The following SMIM20 variants were observed in gnomAD, a reference collection of about 807,000 sequenced individuals.
SMIM20 encodes the protein mitochondrial translation regulation assembly intermediate of cytochrome c oxidase protein of 7 kDa.
In SMIM20, 3 loss-of-function variants were observed where a neutral mutation model predicts 8.7. That is an observed-to-expected ratio of 0.34 (90% CI 0.16 to 0.89). The LOEUF (loss-of-function observed/expected upper bound fraction) is 0.89, where lower values mean the gene tolerates loss of function less well. Among genes scored for constraint, SMIM20 ranks in the 40% least tolerant of loss-of-function variants. The pLI, the probability that SMIM20 is intolerant of heterozygous loss-of-function variation, is 0.49. For synonymous variants in SMIM20, 44 were observed against 33.6 expected (o/e 1.31, Z -1.07); for missense variants, 85 against 84.8 (o/e 1.00, Z -0.01).
At position 25,927,903 on chromosome 4, in the gene SMIM20, A is replaced by G. The variant is rs181719046; in HGVS notation, c.110-410A>G. On this transcript the variant is annotated intron_variant, in intron 1 of 2. Transcript: ENST00000506197. ...AGCTCTGAGTCTAGTCCTTTGGTGG[A>G]GTGCATTTTAGACATATAAACTACA... 4.0e-4 allele frequency among the ~76,000 whole-genome samples: 61 copies of G among 152,364 alleles called. 1 individual carries two copies. The East Asian group carries it at 0.01, about 26-fold the overall frequency.
chr4:25,925,921 C>T (rs191793059), intron 1 of SMIM20, among the ~76,000 whole-genome samples: 4 of 152,270 alleles, frequency 2.6e-5, no homozygotes, highest in East Asian at 1.9e-4. Context: ...CCAGAGATAA[C>T]GTCCTCAATT....
chr4:25,924,328 T>C (rs1389047276), intron 1 of SMIM20, among the ~76,000 whole-genome samples: 1 of 152,230 alleles, frequency 6.6e-6, no homozygotes, highest in Admixed American at 6.5e-5. Flanking sequence ...TGTACAGTTA[T>C]GTGGTTTTTG....
In SMIM20 at chr4:25,928,296, T is replaced by C. The variant is rs1711563769; in HGVS notation, c.110-17T>C. ...CGCCCCCCTTCTAAAGAATGATTTT[T>C]CTCTTATGTTTCTCAGAGAAGGAAC... On this transcript the variant is annotated splice_polypyrimidine_tract_variant and intron_variant, in intron 1 of 2. Coordinates refer to ENST00000506197, the MANE Select transcript of SMIM20 (RefSeq NM_001145432.3). The C allele has an allele frequency of 6.5e-7, 1 of 1,549,806 alleles. No homozygotes were observed. The highest frequency in any genetic ancestry group is 1.2e-5 in the South Asian group (1 of 83,508).
At chr4:25,921,064 A>C (rs745697110) in intron 1 of SMIM20, among the ~76,000 whole-genome samples, 4 of 152,238 alleles carry the variant, frequency 2.6e-5, no homozygotes, top group Non-Finnish European at 2.9e-5. Flanking sequence ...AGCAGTGATC[A>C]TATTCACTCT....
At chr4:25,914,493 G>T in intron 1 of SMIM20, 71 bp downstream of exon 1, 5 of 1,341,748 alleles carry the variant, frequency 3.7e-6, no homozygotes, top group South Asian at 1.8e-5. Context: ...TGAGCTCCAC[G>T]TGGTGCCGTG....
intron 1 of SMIM20, among the ~76,000 whole-genome samples, chr4:25,918,102 C>T (rs1038939941): frequency 1.3e-5 from 2 of 151,980 alleles, no homozygotes; most frequent in African/African-American, 2.4e-5. Flanking sequence ...GCCACCACGC[C>T]CGGCTAATTT....
intron 1 of SMIM20, among the ~76,000 whole-genome samples, chr4:25,922,937 G>A (rs1719224291): frequency 6.6e-6 from 1 of 152,224 alleles, no homozygotes; most frequent in Non-Finnish European, 1.5e-5. Flanking sequence ...ATCTTCCATG[G>A]TTGCAGAGCA....
At chr4:25,922,144 A>G (rs1291971067) in intron 1 of SMIM20, among the ~76,000 whole-genome samples, 2 of 152,166 alleles carry the variant, frequency 1.3e-5, no homozygotes, top group Non-Finnish European at 2.9e-5. Flanking sequence ...GTTTAGCTGT[A>G]TGGAGAGGAG....
At chr4:25,918,756 T>C (rs1719142815) in intron 1 of SMIM20, among the ~76,000 whole-genome samples, 1 of 151,604 alleles carries the variant, frequency 6.6e-6, no homozygotes, top group Non-Finnish European at 1.5e-5. Context: ...TCAGGTGATC[T>C]ACCTGCCTCA....
intron 1 of SMIM20, among the ~76,000 whole-genome samples, chr4:25,921,447 AGT>A (rs1424442200): frequency 6.6e-6 from 1 of 152,202 alleles, no homozygotes. Flanking sequence ...AATGGCACCC[AGT>A]GTTCTGGCTC....
chr4:25,925,413 T>G (rs1719273723), intron 1 of SMIM20, among the ~76,000 whole-genome samples: 1 of 152,008 alleles, frequency 6.6e-6, no homozygotes, highest in South Asian at 2.1e-4. Context: ...ATTTTTGTAT[T>G]TTTAGTAGAG....
rs187542423 is a variant in SMIM20, at chr4:25,929,676, C to T, written c.*485C>T. 123 of 153,028 alleles carry T rather than the reference C, an allele frequency of 8.0e-4. No homozygotes were observed. The highest frequency in any genetic ancestry group is 1.3e-3 in the Non-Finnish European group (86 of 68,598). 9.5% of individuals were successfully genotyped at this position (153,028 alleles called of 1,614,324 possible). Reference sequence around the variant, plus strand: ...AAAGCTCTTTGAGGACAAGGTACTTCGTGCACCTCATGCTGAAGATTGCAC... The same window carrying T: ...AAAGCTCTTTGAGGACAAGGTACTTTGTGCACCTCATGCTGAAGATTGCAC... On this transcript the variant is annotated 3_prime_UTR_variant, in exon 3 of 3. Coordinates refer to ENST00000506197, the MANE Select transcript of SMIM20 (RefSeq NM_001145432.3).
In SMIM20 at chr4:25,914,341, A is replaced by AT; in HGVS notation, c.32dup (p.Gly12ArgfsTer51). 1 of 1,550,560 alleles carries AT rather than the reference A, an allele frequency of 6.4e-7. No individual in the cohort carries two copies. Among genetic ancestry groups the AT allele is most frequent in the South Asian group, 1.2e-5 (1 of 83,932 alleles). Reference sequence around the variant, plus strand: ...GTCCCGGAACCTGCGCACCGCGCTCATTTTCGGCGGCTTCATCTCCCTGAT... The same window carrying AT: ...GTCCCGGAACCTGCGCACCGCGCTCATTTTTCGGCGGCTTCATCTCCCTGAT... On this transcript the variant is annotated frameshift_variant, in exon 1 of 3. Transcript: ENST00000506197. LOFTEE classifies it high-confidence loss of function.
At chr4:25,923,304 A>G (rs1719231584) in intron 1 of SMIM20, among the ~76,000 whole-genome samples, 1 of 152,206 alleles carries the variant, frequency 6.6e-6, no homozygotes, top group African/African-American at 2.4e-5. Flanking sequence ...GACCCTGAAT[A>G]TGGCCTTTTA....
At chr4:25,919,125 C>T (rs1163480214) in intron 1 of SMIM20, among the ~76,000 whole-genome samples, 1 of 148,956 alleles carries the variant, frequency 6.7e-6, no homozygotes, top group Admixed American at 6.7e-5. Flanking sequence ...AGGATGGTCT[C>T]GATCTCCTGA....
intron 1 of SMIM20, among the ~76,000 whole-genome samples, chr4:25,919,545 A>C (rs1023558705): frequency 3.3e-5 from 5 of 151,038 alleles, no homozygotes; most frequent in Non-Finnish European, 7.4e-5. Flanking sequence ...ATGGGCTTTC[A>C]CCATGTTGCC....
At chr4:25,928,489 T>C in intron 2 of SMIM20, 120 bp downstream of exon 2, 1 of 963,554 alleles carries the variant, frequency 1.0e-6, no homozygotes, top group Admixed American at 3.3e-5. Flanking sequence ...GAGACAAGAT[T>C]GTGATTTTGC....
chr4:25,923,235 C>T (rs2168523), intron 1 of SMIM20, among the ~76,000 whole-genome samples: 63,091 of 152,010 alleles, frequency 0.42, 13,517 homozygotes, highest in African/African-American at 0.48. Context: ...TCTGAAGAGG[C>T]CACAGTTAGG....
rs1711564150 is a variant in SMIM20, at chr4:25,928,322, A to G, written c.119A>G (p.Gln40Arg). The part of the protein sequence containing the change: ...LMRLEEYKKE[Q>R]AINRAGIVQE... ...CTCTTATGTTTCTCAGAGAAGGAAC[A>G]AGCTATAAATCGGGCTGGAATTGTT... The change falls in exon 2 of 3, where the codon CAA (glutamine) becomes CGA (arginine). Residue 40 changes from glutamine (Q) to arginine (R), a missense_variant. Gln to Arg is a conservative substitution (Grantham distance 43). Coordinates refer to ENST00000506197, the MANE Select transcript of SMIM20 (RefSeq NM_001145432.3). 1 of 1,550,032 alleles carries G rather than the reference A, an allele frequency of 6.5e-7. No individual in the cohort carries two copies. The highest frequency in any genetic ancestry group is 1.4e-5 in the African/African-American group (1 of 73,072).
Sources: gnomAD v4.1 joint callset for allele counts (sites outside exome capture counted in the v4.1 genomes callset) on GRCh38, gnomAD v4.1.1 for gene constraint, MANE v1.5 for transcripts, NCBI Gene and HGNC (gene_info 2026-07-23, HGNC 2026-07-21) for gene names.